Variants in GRID1 observed in about 807,000 individuals in gnomAD.
GRID1 encodes the protein glutamate ionotropic receptor delta type subunit 1.
In GRID1, 28 loss-of-function variants were observed where a neutral mutation model predicts 98.0. The observed-to-expected ratio is 0.29, with a 90% confidence interval of 0.21 to 0.39. GRID1 has a LOEUF of 0.39. Ranked by LOEUF, GRID1 falls within the 10% of genes least tolerant of loss-of-function variation. GRID1 has a pLI of 1.00. For synonymous variants in GRID1, 553 were observed against 538.5 expected (o/e 1.03, Z -0.37); for missense variants, 1,111 against 1,340.5 (o/e 0.83, Z 2.67).
chr10:85,790,276 A>G (rs1398591095), intron 8 of GRID1, among the ~76,000 whole-genome samples: 1 of 152,230 alleles, frequency 6.6e-6, no homozygotes, highest in Non-Finnish European at 1.5e-5. Context: ...CAGGAACTCA[A>G]TAAATATAGA....
At chr10:85,930,638 AT>A (rs151189089) in intron 4 of GRID1, among the ~76,000 whole-genome samples, 38 of 148,136 alleles carry the variant, frequency 2.6e-4, no homozygotes, top group Non-Finnish European at 4.3e-4. Context: ...TTTTGACTTT[AT>A]TTTTTTTTTC....
intron 5 of GRID1, among the ~76,000 whole-genome samples, chr10:85,885,263 G>A (rs953869019): frequency 2.0e-5 from 3 of 152,120 alleles, no homozygotes; most frequent in Non-Finnish European, 4.4e-5. Context: ...TCACTGATTC[G>A]AAGCAAAACT....
intron 4 of GRID1, among the ~76,000 whole-genome samples, chr10:85,991,029 C>G (rs1842673254): frequency 6.6e-6 from 1 of 152,158 alleles, no homozygotes; most frequent in Admixed American, 6.5e-5. Flanking sequence ...GAAGCACGAT[C>G]TTGTACCAAG....
rs576800596 is a variant in GRID1 at position 86,077,126 on chromosome 10, G to A, written c.726+61693C>T. On this transcript the variant is annotated intron_variant, in intron 4 of 15. Coordinates refer to ENST00000327946, the MANE Select transcript of GRID1 (RefSeq NM_017551.3). ...GACAGTGACAAACGAGGAGCCTTCC[G>A]CGGGGACCATGGTGGGTGAGTTGAG... Among the ~76,000 whole-genome samples the A allele has an allele frequency of 7.7e-4, 105 of 136,638 alleles. 1 individual carries two copies. Among genetic ancestry groups the A allele is most frequent in the Admixed American group, 6.8e-3 (91 of 13,448 alleles). 89.6% of individuals were successfully genotyped at this position (136,638 alleles called of 152,430 possible).
intron 5 of GRID1, among the ~76,000 whole-genome samples, chr10:85,878,665 C>G (rs1840945254): frequency 6.6e-6 from 1 of 152,234 alleles, no homozygotes; most frequent in East Asian, 1.9e-4. Context: ...ACTGCAAAAT[C>G]ATGCCAAAAT....
chr10:86,115,204 T>C (rs537802728), intron 4 of GRID1, among the ~76,000 whole-genome samples: 2 of 152,314 alleles, frequency 1.3e-5, no homozygotes, highest in East Asian at 3.9e-4. Context: ...AGGATCCTCT[T>C]TGACATTCTT....
At chr10:85,905,586 C>T (rs558253316) in intron 5 of GRID1, among the ~76,000 whole-genome samples, 1 of 151,898 alleles carries the variant, frequency 6.6e-6, no homozygotes, top group African/African-American at 2.4e-5. Flanking sequence ...ATGAAAGTAA[C>T]ATTTATTATA....
chr10:86,109,924 G>C (rs533835236), intron 4 of GRID1, among the ~76,000 whole-genome samples: 123 of 151,824 alleles, frequency 8.1e-4, no homozygotes, highest in Admixed American at 1.6e-3. Context: ...TGCATGTCAA[G>C]GGCCTAGCAC....
At chr10:86,329,794 G>C (rs910729773) in intron 2 of GRID1, among the ~76,000 whole-genome samples, 1 of 152,150 alleles carries the variant, frequency 6.6e-6, no homozygotes, top group Non-Finnish European at 1.5e-5. Context: ...CAAGGACCCA[G>C]AGCCTGGATC....
At chr10:85,697,669 C>A (rs747743483) in intron 12 of GRID1, among the ~76,000 whole-genome samples, 2 of 152,126 alleles carry the variant, frequency 1.3e-5, no homozygotes, top group Non-Finnish European at 2.9e-5. Flanking sequence ...TATGAACCAC[C>A]TTCCTTTACA....
rs1258360813 is a variant in GRID1, at chr10:86,171,418, C to A, written c.521-32394G>T. On this transcript the variant is annotated intron_variant, in intron 3 of 15. Coordinates refer to ENST00000327946, the MANE Select transcript of GRID1 (RefSeq NM_017551.3). ...TGTGTCTCTCCCATAACATTTTAGG[C>A]AATTAAGGAGGTATTGAAGAAAGAG... 3.3e-5 allele frequency among the ~76,000 whole-genome samples: 5 copies of A among 152,294 alleles called. No individual in the cohort carries two copies. The East Asian group carries it at 9.6e-4, about 29-fold the overall frequency.
chr10:86,357,738 G>A (rs1038145574), intron 2 of GRID1, among the ~76,000 whole-genome samples: 15 of 152,340 alleles, frequency 9.8e-5, no homozygotes, highest in African/African-American at 3.6e-4. Flanking sequence ...GACACCGTGA[G>A]TTCAGCACGG....
intron 8 of GRID1, among the ~76,000 whole-genome samples, chr10:85,753,750 C>T (rs554450102): frequency 6.6e-6 from 1 of 152,354 alleles, no homozygotes; most frequent in South Asian, 2.1e-4. Context: ...TAATGAAAAA[C>T]TGTCTCAGGA....
chr10:85,979,777 G>T (rs900915917), intron 4 of GRID1, among the ~76,000 whole-genome samples: 1 of 152,198 alleles, frequency 6.6e-6, no homozygotes, highest in African/African-American at 2.4e-5. Context: ...TGCTGTCCTT[G>T]GTGGAGGCAG....
At chr10:85,806,336 G>A (rs1842622909) in intron 8 of GRID1, among the ~76,000 whole-genome samples, 1 of 152,090 alleles carries the variant, frequency 6.6e-6, no homozygotes, top group Non-Finnish European at 1.5e-5. Context: ...GGAGCAACTG[G>A]AAATTCCATA....
chr10:86,140,911 C>T (rs118092952), intron 3 of GRID1, among the ~76,000 whole-genome samples: 1 of 152,260 alleles, frequency 6.6e-6, no homozygotes, highest in East Asian at 1.9e-4. Flanking sequence ...GGGGAGGGCA[C>T]AGCAGCATAC....
chr10:86,127,248 C>T (rs977836807), intron 4 of GRID1, among the ~76,000 whole-genome samples: 2 of 152,168 alleles, frequency 1.3e-5, no homozygotes, highest in Non-Finnish European at 2.9e-5. Context: ...GTCTTTCTCC[C>T]CCAAAGCACC....
intron 3 of GRID1, among the ~76,000 whole-genome samples, chr10:86,199,311 TAG>T (rs1221345873): frequency 3.3e-5 from 5 of 152,166 alleles, no homozygotes; most frequent in Admixed American, 3.3e-4. Flanking sequence ...CATAAGGAAC[TAG>T]AGTTTTCCAT....
intron 4 of GRID1, among the ~76,000 whole-genome samples, chr10:86,035,859 G>C (rs1008895307): frequency 6.6e-6 from 1 of 152,202 alleles, no homozygotes; most frequent in African/African-American, 2.4e-5. Flanking sequence ...GGTGCTTTAA[G>C]AGAATAAAAT....
Sources: gnomAD v4.1 joint callset for allele counts (sites outside exome capture counted in the v4.1 genomes callset) on GRCh38, gnomAD v4.1.1 for gene constraint, MANE v1.5 for transcripts, NCBI Gene and HGNC (gene_info 2026-07-23, HGNC 2026-07-21) for gene names.